PTK2: variants seen among roughly 807,000 people sequenced by gnomAD.
PTK2 encodes protein tyrosine kinase 2, also known as focal adhesion kinase 1.
Under a neutral mutation model 150.1 loss-of-function variants are expected in PTK2, and 45 were observed. That is an observed-to-expected ratio of 0.30 (90% confidence interval 0.24 to 0.38). The LOEUF (loss-of-function observed/expected upper bound fraction) is 0.38, where lower values mean the gene tolerates loss of function less well. Among genes scored for constraint, PTK2 ranks in the 10% least tolerant of loss-of-function variants. The pLI is 1.00. For missense variants in PTK2, 919 were observed against 1,307.3 expected (o/e 0.70, Z 4.58); for synonymous variants, 432 against 449.2 (o/e 0.96, Z 0.48).
chr8:140,693,663 T>C (rs949798540), intron 26 of PTK2, among the ~76,000 whole-genome samples: 5 of 140,068 alleles, frequency 3.6e-5, no homozygotes, highest in Non-Finnish European at 7.6e-5. Context: ...GGCAAGAGCA[T>C]CCGGGCTGCT....
intron 29 of PTK2, 120 bp downstream of exon 32, chr8:140,674,178 A>ACT (rs768272076): frequency 2.0e-6 from 2 of 1,012,876 alleles, no homozygotes; most frequent in South Asian, 2.6e-5. Context: ...CTGCAGTTCC[A>ACT]CTCTGCACTG....
At chr8:140,980,144 G>A (rs1278185898) in intron 1 of PTK2, among the ~76,000 whole-genome samples, 1 of 152,184 alleles carries the variant, frequency 6.6e-6, no homozygotes, top group Non-Finnish European at 1.5e-5. Flanking sequence ...TTGTGTGGCA[G>A]TGTTTGCAGT....
chr8:140,800,978 T>C (rs552480501), intron 11 of PTK2, among the ~76,000 whole-genome samples: 49 of 152,378 alleles, frequency 3.2e-4, no homozygotes, highest in African/African-American at 1.1e-3. Context: ...TCATAATTTC[T>C]AATGTAAAAG....
At chr8:140,922,393 A>G (rs1189851202) in intron 2 of PTK2, among the ~76,000 whole-genome samples, 1 of 151,926 alleles carries the variant, frequency 6.6e-6, no homozygotes, top group Non-Finnish European at 1.5e-5. Context: ...CAGAGGAAAC[A>G]AGCAACTAGA....
upstream of PTK2, chr8:141,001,289 T>G (rs928833689): frequency 2.7e-5 from 4 of 146,150 alleles, no homozygotes; most frequent in East Asian, 2.1e-4. Flanking sequence ...CCGTGCTGCG[T>G]CGGCGCGGGC....
At chr8:140,713,221 T>C (rs2100037758) in intron 23 of PTK2, among the ~76,000 whole-genome samples, 1 of 152,258 alleles carries the variant, frequency 6.6e-6, no homozygotes, top group Non-Finnish European at 1.5e-5. Flanking sequence ...CCCTGATTTG[T>C]GCTAAGGTGT....
chr8:140,950,239 T>A (rs148833825), intron 1 of PTK2, among the ~76,000 whole-genome samples: 185 of 152,288 alleles, frequency 1.2e-3, no homozygotes, highest in African/African-American at 4.3e-3. Context: ...AAACACGGCC[T>A]CCTGCTTGCC....
chr8:140,667,873 T>A (rs1370219336), intron 30 of PTK2, among the ~76,000 whole-genome samples: 1 of 152,184 alleles, frequency 6.6e-6, no homozygotes. Context: ...GTCTTTGCAC[T>A]CCAACAACGT....
chr8:140,954,640 T>G (rs2100180617), intron 1 of PTK2: 1 of 152,200 alleles, frequency 6.6e-6, no homozygotes, highest in African/African-American at 2.4e-5. Context: ...TCAACTACCT[T>G]TTGTTTATTT....
At chr8:140,709,872 A>C (rs2100035831) in intron 23 of PTK2, among the ~76,000 whole-genome samples, 1 of 152,220 alleles carries the variant, frequency 6.6e-6, no homozygotes, top group South Asian at 2.1e-4. Flanking sequence ...ACTGGATGGC[A>C]CTGTTCCTTC....
At chr8:140,960,461 C>T (rs1048540313) in intron 1 of PTK2, among the ~76,000 whole-genome samples, 12 of 152,010 alleles carry the variant, frequency 7.9e-5, no homozygotes, top group Non-Finnish European at 1.0e-4. Context: ...ACGCCCACCT[C>T]GGCCTCCCAG....
At chr8:140,801,472 A>G (rs1422436854) in intron 11 of PTK2, among the ~76,000 whole-genome samples, 1 of 152,144 alleles carries the variant, frequency 6.6e-6, no homozygotes, top group Non-Finnish European at 1.5e-5. Flanking sequence ...TTGGATCCAG[A>G]CTGTTTGGGT....
chr8:140,876,434 T>G (rs938210080), intron 4 of PTK2, among the ~76,000 whole-genome samples: 2 of 152,216 alleles, frequency 1.3e-5, no homozygotes, highest in Non-Finnish European at 2.9e-5. Flanking sequence ...AAAGTCTGAA[T>G]TTTTCTCTGG....
At chr8:140,969,220 G>A (rs2100186380) in intron 1 of PTK2, among the ~76,000 whole-genome samples, 2 of 151,930 alleles carry the variant, frequency 1.3e-5, no homozygotes, top group African/African-American at 2.4e-5. Context: ...CCAAAAAGTC[G>A]GGGATACAAT....
intron 1 of PTK2, among the ~76,000 whole-genome samples, chr8:140,990,653 T>C (rs140916442): frequency 2.8e-4 from 43 of 152,320 alleles, no homozygotes; most frequent in Non-Finnish European, 4.6e-4. Context: ...CAGTAGGAAA[T>C]TCATGTGGAA....
At chr8:140,890,347 A>G in intron 3 of PTK2, 196 bp downstream of exon 3, 1 of 482,920 alleles carries the variant, frequency 2.1e-6, no homozygotes, top group Non-Finnish European at 3.6e-6. Flanking sequence ...TTATTTTTCT[A>G]AGAAACTTTA....
intron 22 of PTK2, among the ~76,000 whole-genome samples, chr8:140,730,372 A>G (rs2100048480): frequency 6.6e-6 from 1 of 152,380 alleles, no homozygotes; most frequent in African/African-American, 2.4e-5. Context: ...CACGAATAAC[A>G]TGGATTAATC....
At chr8:140,700,656 A>G (rs2100029702) in intron 26 of PTK2, 2 of 319,090 alleles carry the variant, frequency 6.3e-6, no homozygotes, top group Non-Finnish European at 1.2e-5. Context: ...TTGTATTTTT[A>G]GTAGAGACAG....
chr8:140,922,593 A>G (rs748820562), intron 2 of PTK2, among the ~76,000 whole-genome samples: 3 of 152,178 alleles, frequency 2.0e-5, no homozygotes, highest in Admixed American at 6.5e-5. Context: ...AAATAATCCA[A>G]GCACACTGAG....
Sources: gnomAD v4.1 joint callset for allele counts (sites outside exome capture counted in the v4.1 genomes callset) on GRCh38, gnomAD v4.1.1 for gene constraint, MANE v1.5 for transcripts, NCBI Gene and HGNC (gene_info 2026-07-23, HGNC 2026-07-21) for gene names.